The following NXN variants were observed in gnomAD, a reference collection of about 807,000 sequenced individuals.
The protein encoded by NXN is nucleoredoxin 1.
Under a neutral mutation model 48.6 loss-of-function variants are expected in NXN, and 16 were observed. That is an observed-to-expected ratio of 0.33 (90% confidence interval 0.22 to 0.50). NXN has a LOEUF of 0.50. Among genes scored for constraint, NXN ranks in the 20% least tolerant of loss-of-function variants. The probability of loss-of-function intolerance (pLI) is 0.98; values close to 1 mark genes in which losing one functional copy is unlikely to be tolerated. For synonymous variants in NXN, 281 were observed against 269.6 expected (o/e 1.04, Z -0.41); for missense variants, 492 against 605.5 (o/e 0.81, Z 1.97).
chr17:878,939 T>C lies in NXN; in HGVS notation c.361-52861A>G, dbSNP rs866888085. 2.3e-4 allele frequency among the ~76,000 whole-genome samples: 35 copies of C among 151,908 alleles called. No homozygotes were observed. The Middle Eastern group carries it at 0.01, about 44-fold the overall frequency. Reference sequence around the variant, plus strand: ...CAGCACTTTGGGAGGCTGAGGTGGGTGGATCACCTGAGGTCAGGAGTTCAA... The same window carrying C: ...CAGCACTTTGGGAGGCTGAGGTGGGCGGATCACCTGAGGTCAGGAGTTCAA... On this transcript the variant is annotated intron_variant, in intron 1 of 7. Coordinates refer to ENST00000336868, the MANE Select transcript of NXN (RefSeq NM_022463.5).
intron 1 of NXN, among the ~76,000 whole-genome samples, chr17:966,335 A>G (rs1269987714): frequency 6.6e-6 from 1 of 151,686 alleles, no homozygotes; most frequent in East Asian, 1.9e-4. Flanking sequence ...ATCAGCTATC[A>G]CTAGTGTTGT....
rs72477056 is a variant in NXN, at chr17:874,894, C to T, written c.361-48816G>A. Among the ~76,000 whole-genome samples the T allele has an allele frequency of 5.1e-3, 777 of 152,254 alleles. 32 individuals carry two copies. The East Asian group carries it at 0.091, about 18-fold the overall frequency. ...TACAGGTGAATAAATAAATTACTGG[C>T]GCAAAAGACAAAAATGACTACAGAA... is the stretch of plus-strand genomic sequence containing the variant. On this transcript the variant is annotated intron_variant, in intron 1 of 7. Transcript: ENST00000336868.
rs1234915845 is a variant in NXN at position 973,009 on chromosome 17, C to T, written c.360+6310G>A. Among the ~76,000 whole-genome samples, 4 of 147,002 alleles carry T rather than the reference C, an allele frequency of 2.7e-5. No homozygotes were observed. In the South Asian group the frequency reaches 6.4e-4, roughly 24 times the overall value. The stretch of plus-strand genomic sequence containing the variant: ...TCGCTCCACTGCACTCCAGCCTGGG[C>T]GACAGAGCGAGACTGCGTCTCAAAA... On this transcript the variant is annotated intron_variant, in intron 1 of 7. Coordinates refer to ENST00000336868, the MANE Select transcript of NXN (RefSeq NM_022463.5).
chr17:810,133 C>T (rs77962946), intron 5 of NXN, among the ~76,000 whole-genome samples: 8 of 100,370 alleles, frequency 8.0e-5, no homozygotes, highest in Non-Finnish European at 1.0e-4. Context: ...GAGTGGCGTG[C>T]ACGTTACGAG....
chr17:804,004 C>T, intron 6 of NXN, 198 bp from the exon 7 acceptor site: 2 of 641,258 alleles, frequency 3.1e-6, no homozygotes, highest in South Asian at 3.8e-5. Flanking sequence ...AGCAGCAAAG[C>T]TCACAGTGCT....
intron 5 of NXN, among the ~76,000 whole-genome samples, chr17:809,795 C>T (rs917288029): frequency 4.4e-5 from 4 of 91,522 alleles, no homozygotes; most frequent in Admixed American, 1.2e-4. Flanking sequence ...CGCACAGTGC[C>T]GTGTGCATGT....
rs115251944 is a variant in NXN, at chr17:956,753, C to T, written c.360+22566G>A. Among the ~76,000 whole-genome samples, 873 of 152,228 alleles carry T rather than the reference C, an allele frequency of 5.7e-3. 11 individuals carry two copies. The highest frequency in any genetic ancestry group is 0.019 in the African/African-American group (805 of 41,544). The stretch of plus-strand genomic sequence containing the variant: ...ATCAGTCATCGTCTTAAACCTCCAC[C>T]GCAACCTGACAAGGTGGACGCTGCT... On this transcript the variant is annotated intron_variant, in intron 1 of 7. Coordinates refer to ENST00000336868, the MANE Select transcript of NXN (RefSeq NM_022463.5). The surrounding 1 kb of genome is among the most constrained non-coding windows in gnomAD (Gnocchi z 4.1).
At chr17:859,531 G>C (rs1385911487) in intron 1 of NXN, among the ~76,000 whole-genome samples, 2 of 152,220 alleles carry the variant, frequency 1.3e-5, no homozygotes, top group East Asian at 3.9e-4. Flanking sequence ...CAGGAGGGAG[G>C]GGATTAGGAC....
chr17:947,923 C>T (rs991532909), intron 1 of NXN, among the ~76,000 whole-genome samples: 10 of 146,126 alleles, frequency 6.8e-5, no homozygotes, highest in East Asian at 4.1e-4. Context: ...TGGCAGCGTG[C>T]GCCTGTACTC....
intron 4 of NXN, among the ~76,000 whole-genome samples, chr17:820,530 T>G (rs190877531): frequency 0.037 from 5,340 of 142,458 alleles, 389 homozygotes; most frequent in African/African-American, 0.14. Flanking sequence ...GAGAATGACG[T>G]GAACCCAGGA....
chr17:812,542 G>A (rs7213222), intron 5 of NXN, among the ~76,000 whole-genome samples: 10,706 of 152,168 alleles, frequency 0.07, 459 homozygotes, highest in Non-Finnish European at 0.088. Context: ...CAACAGCCAG[G>A]ACCCTGCAGA....
chr17:810,867 C>T (rs1355694330), intron 5 of NXN, among the ~76,000 whole-genome samples: 4 of 151,788 alleles, frequency 2.6e-5, no homozygotes, highest in Non-Finnish European at 4.4e-5. Flanking sequence ...CCAGCCTGGG[C>T]GACAGAGCGA....
chr17:801,035 T>C lies in NXN; in HGVS notation c.1222A>G (p.Met408Val), dbSNP rs1406739692. ...GCGGGGGTGATCTCCTCCACGTCCA[T>C]CACGTACTTGGCCCGGGCTGACATG... The part of the protein sequence containing the change: ...LDMSARAKYV[M>V]DVEEITPAIV... Residue 408 changes from methionine (M) to valine (V), a missense_variant, in exon 8 of 8, where the codon ATG becomes GTG. By Grantham distance (21) the Met-to-Val change is conservative. Around this residue, in one of 3 missense-constraint regions of NXN, gnomAD observed 303 missense variants for 388.3 expected, o/e 0.78. Coordinates refer to ENST00000336868, the MANE Select transcript of NXN (RefSeq NM_022463.5). 2 of 1,574,398 alleles carry C rather than the reference T, an allele frequency of 1.3e-6. No homozygotes were observed. The highest frequency in any genetic ancestry group is 8.6e-7 in the Non-Finnish European group (1 of 1,159,104).
At chr17:832,917 G>C (rs1334137028) in intron 1 of NXN, among the ~76,000 whole-genome samples, 5 of 151,684 alleles carry the variant, frequency 3.3e-5, no homozygotes, top group Admixed American at 3.3e-4. Context: ...CTTTGAGACG[G>C]AGTCTCGCTG....
Position 813,927 on chromosome 17 carries a change from A to C in NXN, c.820+5512T>G, listed in dbSNP as rs530738218. ...GTTGCAGTGAGCCAAGATTGTGCCAATGTACTCCAGCCTCTGGGTAACAGA... is the reference window on the plus strand; with the variant it reads ...GTTGCAGTGAGCCAAGATTGTGCCACTGTACTCCAGCCTCTGGGTAACAGA... On this transcript the variant is annotated intron_variant, in intron 5 of 7. Coordinates refer to ENST00000336868, the MANE Select transcript of NXN (RefSeq NM_022463.5). Among the ~76,000 whole-genome samples, 14 of 146,622 alleles carry C rather than the reference A, an allele frequency of 9.5e-5. 1 individual carries two copies. The highest frequency in any genetic ancestry group is 8.2e-4 in the East Asian group (4 of 4,852).
chr17:940,556 C>T (rs564407233), intron 1 of NXN, among the ~76,000 whole-genome samples: 1 of 152,348 alleles, frequency 6.6e-6, no homozygotes, highest in African/African-American at 2.4e-5. Flanking sequence ...TTTCACCACT[C>T]AGAACCAGGT....
intron 5 of NXN, among the ~76,000 whole-genome samples, chr17:812,177 T>A (rs58735022): frequency 0.021 from 3,215 of 151,832 alleles, 103 homozygotes; most frequent in African/African-American, 0.071. Flanking sequence ...TCCGCCCGCC[T>A]CGGCCTCCCA....
intron 1 of NXN, chr17:864,098 G>A (rs540698479): frequency 7.0e-6 from 9 of 1,287,482 alleles, no homozygotes; most frequent in Non-Finnish European, 7.8e-6. Context: ...CGGTTCCGGT[G>A]AAGGGGCACG....
rs1461305784 is a variant in NXN at position 830,139 on chromosome 17, G to A, written c.361-4061C>T. 1.3e-5 allele frequency among the ~76,000 whole-genome samples: 2 copies of A among 152,176 alleles called. No individual in the cohort carries two copies. The highest frequency in any genetic ancestry group is 2.1e-4 in the South Asian group (1 of 4,826). ...CTTACTGATGTGTAGGAGATACGCT[G>A]TTGTCAGCACCCTGTGCTTTCCCCG... On this transcript the variant is annotated intron_variant, in intron 1 of 7. Coordinates refer to ENST00000336868, the MANE Select transcript of NXN (RefSeq NM_022463.5). This position sits in a 1 kb window ranked among gnomAD's most constrained non-coding sequence, Gnocchi z 4.2.
Sources: gnomAD v4.1 joint callset for allele counts (sites outside exome capture counted in the v4.1 genomes callset) on GRCh38, gnomAD v4.1.1 for gene constraint, gnomAD v4.1.1 regional missense constraint, Gnocchi (gnomAD v3.1) non-coding constraint, MANE v1.5 for transcripts, NCBI Gene and HGNC (gene_info 2026-07-23, HGNC 2026-07-21) for gene names.